The following NELL2 variants were observed in gnomAD, a reference collection of about 807,000 sequenced individuals.
NELL2 encodes neural EGFL like 2.
NELL2 carries 41 observed loss-of-function variants against 109.6 expected under a neutral mutation model. The ratio of observed to expected loss-of-function variants is 0.37; its 90% CI spans 0.29 to 0.49. NELL2 has a LOEUF of 0.49. NELL2 is among the 20% of genes least tolerant of loss of function. NELL2 has a pLI of 0.98. For missense variants in NELL2, 900 were observed against 1,008.3 expected (o/e 0.89, Z 1.45); for synonymous variants, 355 against 344.7 (o/e 1.03, Z -0.33).
chr12:44,548,576 A>C (rs1942900895), intron 15 of NELL2, among the ~76,000 whole-genome samples: 1 of 151,670 alleles, frequency 6.6e-6, no homozygotes, highest in Non-Finnish European at 1.5e-5. Context: ...AAAACCAAGA[A>C]GGAAAATAAA....
At chr12:44,527,217 T>C (rs1180860112) in intron 16 of NELL2, among the ~76,000 whole-genome samples, 3 of 152,214 alleles carry the variant, frequency 2.0e-5, no homozygotes, top group Non-Finnish European at 4.4e-5. Context: ...TAAACTTCAT[T>C]TTTTTGGTAT....
rs577855609 is a variant in NELL2 at position 44,807,365 on chromosome 12, G to GA, written c.335+8620_335+8621insT. 3.2e-3 allele frequency among the ~76,000 whole-genome samples: 479 copies of GA among 150,404 alleles called. 3 individuals are homozygous for GA. Among genetic ancestry groups the GA allele is most frequent in the Non-Finnish European group, 2.9e-3 (198 of 67,418 alleles). On this transcript the variant is annotated intron_variant, in intron 3 of 19. Transcript: ENST00000429094. ...CACACACACACACACACGCATGCATGCAGAAAGAATTCTGGACCAATGACT... is the reference window on the plus strand; with the variant it reads ...CACACACACACACACACGCATGCATGACAGAAAGAATTCTGGACCAATGACT...
intron 9 of NELL2, among the ~76,000 whole-genome samples, chr12:44,771,337 T>TG (rs201324225): frequency 7.3e-6 from 1 of 137,892 alleles, no homozygotes; most frequent in Non-Finnish European, 1.6e-5. Context: ...TTATAACAGA[T>TG]GGTTTTTTTA....
intron 1 of NELL2, among the ~76,000 whole-genome samples, chr12:44,906,000 G>A (rs1945715837): frequency 6.6e-6 from 1 of 152,010 alleles, no homozygotes; most frequent in Non-Finnish European, 1.5e-5. Context: ...AGTAATACGT[G>A]CTATGGAAAT....
At chr12:44,625,965 T>C (rs1454970342) in intron 13 of NELL2, among the ~76,000 whole-genome samples, 1 of 142,562 alleles carries the variant, frequency 7.0e-6, no homozygotes. Flanking sequence ...CCAAAGGTAA[T>C]TGGAAAAAAA....
At chr12:44,587,946 T>C (rs1944588273) in intron 15 of NELL2, among the ~76,000 whole-genome samples, 1 of 152,178 alleles carries the variant, frequency 6.6e-6, no homozygotes, top group South Asian at 2.1e-4. Context: ...GGTCAGGAGA[T>C]AGAGACCATC....
rs764074101 is a variant in NELL2, at chr12:44,509,136, A to AC, written c.2401-153dup. ...TGGCCCAATCACTTTTCATGACTCT[A>AC]CTATTGCAGACTCAATTATTATGCC... On this transcript the variant is annotated intron_variant, in intron 19 of 19. Coordinates refer to ENST00000429094, the MANE Select transcript of NELL2 (RefSeq NM_001145108.2). The AC allele has an allele frequency of 6.8e-4, 443 of 651,208 alleles. 1 individual carries two copies. The highest frequency in any genetic ancestry group is 8.1e-4 in the South Asian group (41 of 50,408). The allele number at this position is 651,208 out of a possible 1,614,324, so 40.3% of individuals were successfully genotyped here. A position where few individuals can be genotyped will look rare whatever the true frequency, so the allele number is the denominator to read the frequency against.
At chr12:44,617,724 T>C (rs574649089) in intron 13 of NELL2, among the ~76,000 whole-genome samples, 2 of 146,276 alleles carry the variant, frequency 1.4e-5, no homozygotes, top group African/African-American at 2.5e-5. Context: ...GAAAAAGCAG[T>C]TGTGAAGAAT....
chr12:44,759,694 A>G (rs897142643), intron 9 of NELL2, among the ~76,000 whole-genome samples: 5 of 152,166 alleles, frequency 3.3e-5, no homozygotes, highest in Non-Finnish European at 7.4e-5. Flanking sequence ...TGGGCTTCCA[A>G]TCCTCCATCT....
At chr12:44,765,210 A>G (rs1345732575) in intron 9 of NELL2, among the ~76,000 whole-genome samples, 1 of 152,228 alleles carries the variant, frequency 6.6e-6, no homozygotes, top group Non-Finnish European at 1.5e-5. Context: ...AAATAATTAT[A>G]TCTGCATATT....
intron 10 of NELL2, among the ~76,000 whole-genome samples, chr12:44,712,437 A>C (rs1938254916): frequency 1.3e-5 from 2 of 151,932 alleles, no homozygotes; most frequent in Non-Finnish European, 2.9e-5. Context: ...TGGTAATCTG[A>C]TTTTCTAAAC....
In NELL2 at chr12:44,690,637, C is replaced by A. The variant is rs1948869937; in HGVS notation, c.1318+13089G>T. Among the ~76,000 whole-genome samples, 3 of 152,076 alleles carry A rather than the reference C, an allele frequency of 2.0e-5. No individual in the cohort carries two copies. The South Asian group carries it at 6.2e-4, about 32-fold the overall frequency. ...TCACAATTCTCATTTCCTCCTGCAT[C>A]TGGAAAATGGGCAGAGATTTTAGAA... On this transcript the variant is annotated intron_variant, in intron 12 of 19. Transcript: ENST00000429094.
chr12:44,900,347 A>G (rs1945646658), intron 1 of NELL2, among the ~76,000 whole-genome samples: 1 of 151,564 alleles, frequency 6.6e-6, no homozygotes, highest in African/African-American at 2.4e-5. Flanking sequence ...TCTAAAATTG[A>G]CCACATAATT....
At chr12:44,804,776 C>T (rs968407936) in intron 3 of NELL2, among the ~76,000 whole-genome samples, 2 of 151,702 alleles carry the variant, frequency 1.3e-5, no homozygotes, top group Non-Finnish European at 3.0e-5. Context: ...AATATCAGTG[C>T]ATATGAATGT....
chr12:44,641,765 C>T (rs1048251811), intron 13 of NELL2, among the ~76,000 whole-genome samples: 5 of 132,088 alleles, frequency 3.8e-5, no homozygotes, highest in African/African-American at 1.5e-4. Context: ...GGTGGGATCT[C>T]GGCTCACTGC....
chr12:44,893,149 T>C (rs566694807), intron 1 of NELL2, among the ~76,000 whole-genome samples: 1 of 152,276 alleles, frequency 6.6e-6, no homozygotes, highest in African/African-American at 2.4e-5. Flanking sequence ...ATGCTCCCTG[T>C]GAAGCCCCTA....
intron 3 of NELL2, among the ~76,000 whole-genome samples, chr12:44,805,415 A>G (rs1383367953): frequency 6.6e-6 from 1 of 151,892 alleles, no homozygotes; most frequent in Non-Finnish European, 1.5e-5. Flanking sequence ...AGAACAGAAA[A>G]CAGGGCCCAG....
rs1301990371 is a variant in NELL2, at chr12:44,683,450, C to A, written c.1319-17841G>T. On this transcript the variant is annotated intron_variant, in intron 12 of 19. Coordinates refer to ENST00000429094, the MANE Select transcript of NELL2 (RefSeq NM_001145108.2). Reference sequence around the variant, plus strand: ...TAACTGCCCTGGCCAGAAACTCCAACACTATGTTGAATAGGAGTGGTGAGA... The same window carrying A: ...TAACTGCCCTGGCCAGAAACTCCAAAACTATGTTGAATAGGAGTGGTGAGA... 6.6e-5 allele frequency among the ~76,000 whole-genome samples: 10 copies of A among 151,438 alleles called. No individual in the cohort carries two copies. In the South Asian group the frequency reaches 1.4e-3, roughly 22 times the overall value.
intron 2 of NELL2, among the ~76,000 whole-genome samples, chr12:44,854,471 A>G (rs1310455814): frequency 6.6e-6 from 1 of 152,210 alleles, no homozygotes; most frequent in African/African-American, 2.4e-5. Context: ...TGTTACGGAC[A>G]TCAGGGGTTA....
Sources: allele counts gnomAD v4.1 joint callset (sites outside exome capture counted in the v4.1 genomes callset), GRCh38; gene constraint gnomAD v4.1.1; transcripts MANE v1.5; gene names NCBI Gene and HGNC (gene_info 2026-07-23, HGNC 2026-07-21).